Variants in OSBPL6 observed in about 807,000 individuals in gnomAD.
OSBPL6 encodes the protein oxysterol-binding protein-related protein 6.
OSBPL6 carries 49 observed loss-of-function variants against 125.8 expected under a neutral mutation model. The observed-to-expected ratio is 0.39, with a 90% CI of 0.31 to 0.49. The LOEUF is 0.49. OSBPL6 is among the 20% of genes least tolerant of loss of function. The pLI, the probability that OSBPL6 is intolerant of heterozygous loss-of-function variation, is 0.88. For missense variants in OSBPL6, 986 were observed against 1,135.4 expected, an observed-to-expected ratio of 0.87 and a Z score of 1.89; for synonymous variants, 394 against 391.8, an observed-to-expected ratio of 1.01 and a Z score of -0.07.
chr2:178,261,170 A>T (rs2092047319), intron 1 of OSBPL6, among the ~76,000 whole-genome samples: 1 of 151,158 alleles, frequency 6.6e-6, no homozygotes, highest in Admixed American at 6.8e-5. Flanking sequence ...CAACAACAAC[A>T]AAACAAAAAA....
At chr2:178,256,879 A>G (rs2091902556) in intron 1 of OSBPL6, among the ~76,000 whole-genome samples, 1 of 152,138 alleles carries the variant, frequency 6.6e-6, no homozygotes, top group Non-Finnish European at 1.5e-5. Flanking sequence ...ACTCCTGGGG[A>G]TTAGACCAGA....
In OSBPL6 at chr2:178,250,627, G is replaced by A. The variant is rs138059297; in HGVS notation, c.-350-34300G>A. On this transcript the variant is annotated intron_variant, in intron 1 of 24. Coordinates refer to ENST00000190611, the MANE Select transcript of OSBPL6 (RefSeq NM_032523.4). The stretch of plus-strand genomic sequence containing the variant: ...TTCCCTTCCTCAGGGCTTCTGCACC[G>A]GCTGTTCCTCCTGCCTGAAACACTC... Among the ~76,000 whole-genome samples, 346 of 152,212 alleles carry A rather than the reference G, an allele frequency of 2.3e-3. 2 individuals are homozygous for A. The highest frequency in any genetic ancestry group is 8.2e-3 in the African/African-American group (339 of 41,524).
At chr2:178,336,936 A>G (rs1159573647) in intron 9 of OSBPL6, among the ~76,000 whole-genome samples, 1 of 152,206 alleles carries the variant, frequency 6.6e-6, no homozygotes, top group Admixed American at 6.5e-5. Flanking sequence ...AAGTTGTAAA[A>G]TGCTGCATCT....
At chr2:178,346,749 A>G (rs559113668) in intron 11 of OSBPL6, among the ~76,000 whole-genome samples, 2 of 152,230 alleles carry the variant, frequency 1.3e-5, no homozygotes, top group Admixed American at 6.5e-5. Flanking sequence ...AGCTAAGTAA[A>G]TAAGTCCCCA....
At chr2:178,379,000 A>C (rs1694151789) in intron 15 of OSBPL6, among the ~76,000 whole-genome samples, 1 of 151,974 alleles carries the variant, frequency 6.6e-6, no homozygotes, top group Admixed American at 6.6e-5. Flanking sequence ...CCCCACCTCT[A>C]CAAAAAAATA....
intron 1 of OSBPL6, among the ~76,000 whole-genome samples, chr2:178,229,430 A>G (rs1212084358): frequency 3.3e-5 from 5 of 152,240 alleles, no homozygotes; most frequent in African/African-American, 1.2e-4. Flanking sequence ...AGTGACCACC[A>G]TAATGGAAAA....
chr2:178,260,953 A>G (rs1466548150), intron 1 of OSBPL6, among the ~76,000 whole-genome samples: 1 of 151,936 alleles, frequency 6.6e-6, no homozygotes. Flanking sequence ...CCAACATGGC[A>G]AAACTCCATC....
chr2:178,333,184 G>C (rs1689381126), intron 8 of OSBPL6, 143 bp downstream of exon 8: 2 of 842,062 alleles, frequency 2.4e-6, no homozygotes, highest in African/African-American at 3.5e-5. Context: ...AGGAGTTCGA[G>C]ACCAGCCTGG....
chr2:178,395,388 G>C lies in OSBPL6; in HGVS notation c.2697-63G>C, dbSNP rs376477983. The C allele has an allele frequency of 7.4e-5, 83 of 1,123,550 alleles. 4 individuals are homozygous for C. The South Asian group carries it at 1.0e-3, about 14-fold the overall frequency. 69.6% of individuals were successfully genotyped at this position (1,123,550 alleles called of 1,614,324 possible). A position where few individuals can be genotyped will look rare whatever the true frequency, so the allele number is the denominator to read the frequency against. On this transcript the variant is annotated intron_variant, in intron 24 of 24. Coordinates refer to ENST00000190611, the MANE Select transcript of OSBPL6 (RefSeq NM_032523.4). ...ATGTCCATGTCTAATCTATAGGAGA[G>C]GGTCCTATTTAAGGTTACCTTGATG...
intron 8 of OSBPL6, among the ~76,000 whole-genome samples, chr2:178,335,613 T>A (rs1426171198): frequency 6.6e-6 from 1 of 152,210 alleles, no homozygotes; most frequent in African/African-American, 2.4e-5. Flanking sequence ...TAGTTGGATA[T>A]TAAAGTCAAC....
intron 1 of OSBPL6, among the ~76,000 whole-genome samples, chr2:178,222,204 G>C: frequency 6.6e-6 from 1 of 152,158 alleles, no homozygotes. Context: ...AGGAATTGAT[G>C]CTGGTGATGT....
chr2:178,203,047 T>C (rs1234635554), intron 1 of OSBPL6, among the ~76,000 whole-genome samples: 1 of 152,158 alleles, frequency 6.6e-6, no homozygotes, highest in Non-Finnish European at 1.5e-5. Flanking sequence ...CTGTCTTTTG[T>C]GGGGAGTCCA....
intron 2 of OSBPL6, among the ~76,000 whole-genome samples, chr2:178,290,645 A>T (rs1262662167): frequency 1.3e-5 from 2 of 152,088 alleles, no homozygotes; most frequent in African/African-American, 4.8e-5. Context: ...CTTTGACTCT[A>T]CTTTTTGATA....
rs1295787173 is a variant in OSBPL6 at position 178,336,371 on chromosome 2, C to T, written c.728C>T (p.Thr243Ile). 1 of 1,614,160 alleles carries T rather than the reference C, an allele frequency of 6.2e-7. No individual in the cohort carries two copies. Among genetic ancestry groups the T allele is most frequent in the Admixed American group, 1.7e-5 (1 of 60,018 alleles). ...CSNSLPATCT[T>I]GQSKVAAWLQ... ...AATAGCCTCCCTGCAACGTGCACAA[C>T]TGGCCAGAGTAAAGTGGCAGCCTGG... Residue 243 changes from threonine to isoleucine, a missense_variant, in exon 9 of 25, where the codon ACT becomes ATT. Around this residue, in one of 3 missense-constraint regions of OSBPL6, gnomAD observed 843 missense variants for 997.3 expected, o/e 0.85. Coordinates refer to ENST00000190611, the MANE Select transcript of OSBPL6 (RefSeq NM_032523.4).
chr2:178,394,164 A>C (rs987831749), intron 23 of OSBPL6, 149 bp from the exon 24 acceptor site: 1 of 921,518 alleles, frequency 1.1e-6, no homozygotes, highest in Admixed American at 2.5e-5. Flanking sequence ...ACACCACTGC[A>C]CTCCAGCCTG....
chr2:178,354,275 A>G (rs1198347363), intron 12 of OSBPL6, among the ~76,000 whole-genome samples: 2 of 152,256 alleles, frequency 1.3e-5, no homozygotes, highest in Non-Finnish European at 2.9e-5. Context: ...TGCCCCAATT[A>G]AAAGACACAG....
chr2:178,363,608 T>C (rs1692550395), intron 13 of OSBPL6, among the ~76,000 whole-genome samples: 1 of 152,164 alleles, frequency 6.6e-6, no homozygotes, highest in Non-Finnish European at 1.5e-5. Context: ...AATCAGACCT[T>C]GAACCTGGCC....
intron 1 of OSBPL6, among the ~76,000 whole-genome samples, chr2:178,258,268 T>C (rs1366668004): frequency 1.4e-4 from 21 of 152,026 alleles, no homozygotes; most frequent in Non-Finnish European, 1.5e-5. Context: ...GCCTGGCTAA[T>C]TTTTCTGTGT....
intron 23 of OSBPL6, among the ~76,000 whole-genome samples, chr2:178,394,078 T>C (rs1419400069): frequency 6.6e-6 from 1 of 152,208 alleles, no homozygotes; most frequent in Admixed American, 6.5e-5. Context: ...CTGATATTGC[T>C]GATTATAATA....
Sources: allele counts gnomAD v4.1 joint callset (sites outside exome capture counted in the v4.1 genomes callset), GRCh38; gene constraint gnomAD v4.1.1; regional missense constraint gnomAD v4.1.1; transcripts MANE v1.5; gene names NCBI Gene and HGNC (gene_info 2026-07-23, HGNC 2026-07-21).